The following PYCR2 variants were observed in gnomAD, a reference collection of about 807,000 sequenced individuals.
PYCR2 encodes P5C reductase 2.
In PYCR2, 17 loss-of-function variants were observed where a neutral mutation model predicts 23.4. That is an observed-to-expected ratio of 0.73 (90% CI 0.50 to 1.09). The LOEUF (loss-of-function observed/expected upper bound fraction) is 1.09. Among genes scored for constraint, PYCR2 ranks in the 50% least tolerant of loss-of-function variants. The probability of loss-of-function intolerance (pLI) is 0.00; values close to 1 mark genes in which losing one functional copy is unlikely to be tolerated. For synonymous variants in PYCR2, 172 were observed against 176.6 expected (o/e 0.97, Z 0.21); for missense variants, 380 against 423.5 (o/e 0.90, Z 0.90).
In PYCR2 at chr1:225,921,785, G is replaced by T. The variant is rs1671848875; in HGVS notation, c.540+73C>A. 1 of 1,600,682 alleles carries T rather than the reference G, an allele frequency of 6.2e-7. No individual in the cohort carries two copies. The highest frequency in any genetic ancestry group is 1.3e-5 in the African/African-American group (1 of 74,710). On this transcript the variant is annotated intron_variant, in intron 4 of 6. Transcript: ENST00000343818. The surrounding 1 kb of genome is among the most constrained non-coding windows in gnomAD (Gnocchi z 4.2). ...GCCCAAGAGGTGGGCGCCACCCCCA[G>T]TCCAAGCCTGCCTGCCAGCCCATCT...
intron 2 of PYCR2, 195 bp downstream of exon 2, chr1:225,923,506 G>A (rs1294202150): frequency 4.9e-6 from 7 of 1,429,034 alleles, no homozygotes; most frequent in Non-Finnish European, 6.4e-6. Flanking sequence ...CTGACCCCCA[G>A]TTATGTCTCC....
chr1:225,921,741 T>C lies in PYCR2; in HGVS notation c.541-97A>G. Reference sequence around the variant, plus strand: ...CTAGAACTAGCTCCAAGGGTCAGCATCCTGTACCAGCCAGCTGTGCCCAAG... The same window carrying C: ...CTAGAACTAGCTCCAAGGGTCAGCACCCTGTACCAGCCAGCTGTGCCCAAG... On this transcript the variant is annotated intron_variant, in intron 4 of 6. Coordinates refer to ENST00000343818, the MANE Select transcript of PYCR2 (RefSeq NM_013328.4). The surrounding 1 kb of genome is among the most constrained non-coding windows in gnomAD (Gnocchi z 4.2). 1 of 1,580,432 alleles carries C rather than the reference T, an allele frequency of 6.3e-7. No individual in the cohort carries two copies. The highest frequency in any genetic ancestry group is 8.7e-7 in the Non-Finnish European group (1 of 1,152,230).
chr1:225,921,384 G>T lies in PYCR2; in HGVS notation c.634-13C>A. 6.5e-7 allele frequency: 1 copy of T among 1,533,434 alleles called. No individual in the cohort carries two copies. 95.0% of individuals were successfully genotyped at this position (1,533,434 alleles called of 1,614,324 possible). A position where few individuals can be genotyped will look rare whatever the true frequency, so the allele number is the denominator to read the frequency against. Reference sequence around the variant, plus strand: ...TCTTGGCAGCTCCCTATGGGGAAGGGCACATTAGGAGAAAGTTGCTGGTGT... The same window carrying T: ...TCTTGGCAGCTCCCTATGGGGAAGGTCACATTAGGAGAAAGTTGCTGGTGT... On this transcript the variant is annotated splice_polypyrimidine_tract_variant and intron_variant, in intron 5 of 6. Coordinates refer to ENST00000343818, the MANE Select transcript of PYCR2 (RefSeq NM_013328.4). This position sits in a 1 kb window ranked among gnomAD's most constrained non-coding sequence, Gnocchi z 4.2.
chr1:225,921,933 G>A lies in PYCR2; in HGVS notation c.465C>T (p.Ser155=), dbSNP rs763543625. 18 of 1,613,898 alleles carry A rather than the reference G, an allele frequency of 1.1e-5. No homozygotes were observed. The highest frequency in any genetic ancestry group is 7.7e-5 in the South Asian group (7 of 91,072). The stretch of plus-strand genomic sequence containing the variant: ...CTTCCACCTCAGTGCAGAAGCCCAC[G>A]CTGCTCATGAGCTGCTCCAGGAGCT... The part of the protein sequence containing the change: ...DGQLLEQLMS[S]VGFCTEVEED... Residue 155 remains serine, a synonymous_variant, in exon 4 of 7, where the codon AGC becomes AGT. Coordinates refer to ENST00000343818, the MANE Select transcript of PYCR2 (RefSeq NM_013328.4). This position sits in a 1 kb window ranked among gnomAD's most constrained non-coding sequence, Gnocchi z 4.2.
intron 3 of PYCR2, 23 bp downstream of exon 3, chr1:225,922,181 G>A: frequency 6.2e-7 from 1 of 1,609,260 alleles, no homozygotes; most frequent in Non-Finnish European, 8.5e-7. Context: ...TCACACAAGG[G>A]GCATCAGGGC....
At chr1:225,923,985 G>A (rs1020230043) in intron 1 of PYCR2, 59 bp downstream of exon 1, 6 of 1,525,668 alleles carry the variant, frequency 3.9e-6, no homozygotes, top group Admixed American at 4.0e-5. Flanking sequence ...TGGTGGGACG[G>A]AGGCCCCCTC....
intron 2 of PYCR2, 155 bp downstream of exon 2, chr1:225,923,546 A>G: frequency 6.7e-7 from 1 of 1,483,400 alleles, no homozygotes; most frequent in Non-Finnish European, 9.0e-7. Flanking sequence ...TGAGCTGCCC[A>G]AGAGAAGGTG....
chr1:225,923,251 A>AT, intron 2 of PYCR2: 1 of 257,098 alleles, frequency 3.9e-6, no homozygotes, highest in Admixed American at 5.9e-5. Flanking sequence ...AAATACAAAA[A>AT]TTAGCTGCGC....
In PYCR2 at chr1:225,921,441, C is replaced by A; in HGVS notation, c.634-70G>T. The A allele has an allele frequency of 6.5e-7, 1 of 1,529,328 alleles. No individual in the cohort carries two copies. Among genetic ancestry groups the A allele is most frequent in the Non-Finnish European group, 9.0e-7 (1 of 1,110,716 alleles). The allele number at this position is 1,529,328 out of a possible 1,614,324, so 94.7% of individuals were successfully genotyped here. A position where few individuals can be genotyped will look rare whatever the true frequency, so the allele number is the denominator to read the frequency against. On this transcript the variant is annotated intron_variant, in intron 5 of 6. Coordinates refer to ENST00000343818, the MANE Select transcript of PYCR2 (RefSeq NM_013328.4). The surrounding 1 kb of genome is among the most constrained non-coding windows in gnomAD (Gnocchi z 4.2). ...GAACAGGCTTCCCATACCCACTGCT[C>A]CTGCCCAACTGCTACCCCAGCTTCC...
intron 2 of PYCR2, 45 bp from the exon 3 acceptor site, chr1:225,922,428 T>C (rs1407459679): frequency 2.2e-5 from 35 of 1,579,724 alleles, no homozygotes; most frequent in Non-Finnish European, 2.8e-5. Flanking sequence ...GCAGCCTGGC[T>C]ATGCCAAGGC....
Position 225,924,070 on chromosome 1 carries a change from G to A in PYCR2, c.41C>T (p.Ala14Val). The change falls in exon 1 of 7, where the codon GCT (alanine) becomes GTT (valine). Residue 14 changes from alanine to valine, a missense_variant. Transcript: ENST00000343818. The stretch of plus-strand genomic sequence containing the variant: ...TGCGGCCGTGAAGCCCCGCGCCAGA[G>A]CATAGGCCAGCTGGCCGGCCCCGAT... ...GFIGAGQLAY[A>V]LARGFTAAGI... 1 of 1,544,924 alleles carries A rather than the reference G, an allele frequency of 6.5e-7. No individual in the cohort carries two copies. Among genetic ancestry groups the A allele is most frequent in the East Asian group, 2.4e-5 (1 of 41,324 alleles).
chr1:225,920,590 C>G lies in PYCR2; in HGVS notation c.828G>C (p.Lys276Asn), dbSNP rs1671809982. ...TCTTCTTAAGGGCAGCTGGGGAGAT[C>G]TTTTCTTGGTCGGCCATGGACTGTA... Reference protein sequence around the residue: ...RELQSMADQEKISPAALKKTL... With the variant: ...RELQSMADQENISPAALKKTL... Residue 276 changes from lysine to asparagine, a missense_variant, in exon 7 of 7, where the codon AAG becomes AAC. Physicochemically the swap from Lys to Asn is moderately conservative, Grantham distance 94 (BLOSUM62 0). Transcript: ENST00000343818. The G allele has an allele frequency of 6.2e-7, 1 of 1,613,566 alleles. No homozygotes were observed. Among genetic ancestry groups the G allele is most frequent in the Non-Finnish European group, 8.5e-7 (1 of 1,179,656 alleles).
In PYCR2 at chr1:225,923,714, A is replaced by C. The variant is rs773082128; in HGVS notation, c.125T>G (p.Val42Gly). Residue 42 changes from valine to glycine, a missense_variant, in exon 2 of 7, where the codon GTG becomes GGG. Coordinates refer to ENST00000343818, the MANE Select transcript of PYCR2 (RefSeq NM_013328.4). ...ASSPEMNLPTVSALRKMGVNL... is the reference protein window; with the variant it reads ...ASSPEMNLPTGSALRKMGVNL... ...GGCTCCACCTACCCTGAGCGCGGAC[A>C]CCGTGGGCAGGTTCATTTCTGGGGA... is the stretch of plus-strand genomic sequence containing the variant. The C allele has an allele frequency of 1.2e-6, 2 of 1,613,916 alleles. No homozygotes were observed. The highest frequency in any genetic ancestry group is 1.7e-6 in the Non-Finnish European group (2 of 1,179,994).
At position 225,922,364 on chromosome 1, in the gene PYCR2, G is replaced by C. The variant is rs1292341345; in HGVS notation, c.158C>G (p.Thr53Arg). ...SALRKMGVNL[T>R]RSNKETVKHS... is the part of the protein sequence containing the mutation. ...CTTCACCGTCTCCTTGTTGCTGCGT[G>C]TCAGGTTCACACCCATCTTCTGCAA... Residue 53 changes from threonine to arginine, a missense_variant, in exon 3 of 7, where the codon ACA becomes AGA. Coordinates refer to ENST00000343818, the MANE Select transcript of PYCR2 (RefSeq NM_013328.4). 1 of 1,613,638 alleles carries C rather than the reference G, an allele frequency of 6.2e-7. No homozygotes were observed. The highest frequency in any genetic ancestry group is 1.3e-5 in the African/African-American group (1 of 75,062).
Position 225,921,690 on chromosome 1 carries a change from C to T in PYCR2, c.541-46G>A. On this transcript the variant is annotated intron_variant, in intron 4 of 6. Transcript: ENST00000343818. This position sits in a 1 kb window ranked among gnomAD's most constrained non-coding sequence, Gnocchi z 4.2. The stretch of plus-strand genomic sequence containing the variant: ...CCCCAGGCCATAGGCACTGAAGGGC[C>T]TTTCCTTAGGTCTGCTTTCTGATGA... 6.2e-7 allele frequency: 1 copy of T among 1,607,328 alleles called. No individual in the cohort carries two copies.
intron 6 of PYCR2, among the ~76,000 whole-genome samples, chr1:225,920,864 C>T (rs1469131284): frequency 6.6e-6 from 1 of 152,168 alleles, no homozygotes; most frequent in Non-Finnish European, 1.5e-5. Flanking sequence ...TCTGTGATCA[C>T]ACGGGAAGAG....
chr1:225,921,068 T>C lies in PYCR2; in HGVS notation c.797+140A>G. The C allele has an allele frequency of 1.2e-6, 1 of 862,202 alleles. No homozygotes were observed. Among genetic ancestry groups the C allele is most frequent in the Non-Finnish European group, 1.8e-6 (1 of 559,844 alleles). 53.4% of individuals were successfully genotyped at this position (862,202 alleles called of 1,614,324 possible). On this transcript the variant is annotated intron_variant, in intron 6 of 6. Coordinates refer to ENST00000343818, the MANE Select transcript of PYCR2 (RefSeq NM_013328.4). This position sits in a 1 kb window ranked among gnomAD's most constrained non-coding sequence, Gnocchi z 4.2. ...TCTTAGGTAAACAAAATCTACTAAGTTGTGGTTATTAACAGAGCACAGACT... is the reference window on the plus strand; with the variant it reads ...TCTTAGGTAAACAAAATCTACTAAGCTGTGGTTATTAACAGAGCACAGACT...
intron 3 of PYCR2, 59 bp downstream of exon 3, chr1:225,922,145 C>CT (rs1435904431): frequency 1.2e-6 from 2 of 1,606,052 alleles, no homozygotes; most frequent in African/African-American, 2.7e-5. Context: ...CACCCATTAG[C>CT]TGCCATTCGT....
intron 2 of PYCR2, chr1:225,923,177 A>G: frequency 2.7e-6 from 1 of 364,686 alleles, no homozygotes; most frequent in Non-Finnish European, 3.8e-6. Context: ...TGGGAGGCCA[A>G]GGCGGGCAGA....
Sources: gnomAD v4.1 joint callset for allele counts (sites outside exome capture counted in the v4.1 genomes callset) on GRCh38, gnomAD v4.1.1 for gene constraint, Gnocchi (gnomAD v3.1) non-coding constraint, MANE v1.5 for transcripts, NCBI Gene and HGNC (gene_info 2026-07-23, HGNC 2026-07-21) for gene names.